Variants in ASB15 observed in about 807,000 individuals in gnomAD.
The protein encoded by ASB15 is ankyrin repeat and SOCS box containing 15.
ASB15 carries 54 observed loss-of-function variants against 58.0 expected under a neutral mutation model. The ratio of observed to expected loss-of-function variants is 0.93; its 90% CI spans 0.75 to 1.17. The LOEUF is 1.17. ASB15 is among the 50% of genes most tolerant of loss of function. The pLI, the probability that ASB15 is intolerant of heterozygous loss-of-function variation, is 0.00. For synonymous variants in ASB15, 249 were observed against 262.4 expected (o/e 0.95, Z 0.50); for missense variants, 680 against 707.4 (o/e 0.96, Z 0.44).
At chr7:123,617,457 CTTTCAT>C in intron 6 of ASB15, 116 bp from the exon 7 acceptor site, 1 of 902,266 alleles carries the variant, frequency 1.1e-6, no homozygotes, top group Non-Finnish European at 1.6e-6. Context: ...TGTCAAAGTC[CTTTCAT>C]TTTCATCAAT....
chr7:123,578,138 AC>A (rs1017564879), intron 1 of ASB15, among the ~76,000 whole-genome samples: 1 of 150,608 alleles, frequency 6.6e-6, no homozygotes, highest in African/African-American at 2.4e-5. Flanking sequence ...GAATAAAAGG[AC>A]AAATGAATAG....
At chr7:123,635,348 T>G (rs1802363291) in intron 11 of ASB15, among the ~76,000 whole-genome samples, 1 of 152,168 alleles carries the variant, frequency 6.6e-6, no homozygotes, top group Non-Finnish European at 1.5e-5. Flanking sequence ...TGTACTTTCT[T>G]TATTTTATTT....
chr7:123,568,464 T>C (rs1258729934), intron 1 of ASB15, among the ~76,000 whole-genome samples: 1 of 148,906 alleles, frequency 6.7e-6, no homozygotes, highest in African/African-American at 2.5e-5. Context: ...GAGGTTGCAG[T>C]GAGCAGAGAT....
rs534355138 is a variant in ASB15, at chr7:123,582,207, A to G, written c.-443+15119A>G. Among the ~76,000 whole-genome samples, 3 of 152,100 alleles carry G rather than the reference A, an allele frequency of 2.0e-5. No homozygotes were observed. In the East Asian group the frequency reaches 5.8e-4, roughly 30 times the overall value. On this transcript the variant is annotated intron_variant, in intron 1 of 13. Transcript: ENST00000451558. The stretch of plus-strand genomic sequence containing the variant: ...TCAGGCCCAGACCACTTTGAGGGAC[A>G]GGTTCAACCCACAGTATGTGAAGGT...
chr7:123,596,771 G>T (rs1056886594), intron 1 of ASB15, among the ~76,000 whole-genome samples: 2 of 152,002 alleles, frequency 1.3e-5, no homozygotes, highest in Admixed American at 6.6e-5. Context: ...ATGTCATTAC[G>T]CATTAGCAAC....
chr7:123,597,917 C>CGTGTGTGTGTGTGTGTGT (rs61508655), upstream of ASB15, among the ~76,000 whole-genome samples: 2 of 132,974 alleles, frequency 1.5e-5, no homozygotes, highest in African/African-American at 5.8e-5. Context: ...TTTCAAACTT[C>CGTGTGTGTGTGTGTGTGT]GTGTGTGTGT....
intron 1 of ASB15, among the ~76,000 whole-genome samples, chr7:123,603,476 C>T (rs907612547): frequency 2.0e-5 from 3 of 152,130 alleles, no homozygotes; most frequent in African/African-American, 4.8e-5. Flanking sequence ...AAAAAGGAGA[C>T]ATTAATACTA....
intron 7 of ASB15, among the ~76,000 whole-genome samples, chr7:123,618,428 G>A (rs1800970718): frequency 6.6e-6 from 1 of 152,184 alleles, no homozygotes; most frequent in Admixed American, 6.5e-5. Context: ...AGATCACTGG[G>A]TTTAAATCTT....
Position 123,624,552 on chromosome 7 carries a change from T to C in ASB15, c.452-17T>C, listed in dbSNP as rs755470063. On this transcript the variant is annotated splice_polypyrimidine_tract_variant and intron_variant, in intron 7 of 11. Transcript: ENST00000451215. ...GTGTTAATATACTTACTGTTGTTTT[T>C]AACAATCATTTTCAAGCTGTGAAAA... is the stretch of plus-strand genomic sequence containing the variant. 3.4e-5 allele frequency: 55 copies of C among 1,605,246 alleles called. No individual in the cohort carries two copies. Among genetic ancestry groups the C allele is most frequent in the Non-Finnish European group, 4.6e-5 (54 of 1,172,366 alleles).
chr7:123,625,994 A>G (rs924152047), intron 8 of ASB15, among the ~76,000 whole-genome samples: 1 of 152,114 alleles, frequency 6.6e-6, no homozygotes, highest in African/African-American at 2.4e-5. Flanking sequence ...CACCATAAGC[A>G]GCAGAGCCAC....
rs1001875748 is a variant in ASB15 at position 123,627,151 on chromosome 7, C to G, written c.739C>G (p.Leu247Val). Residue 247 changes from leucine (L) to valine (V), a missense_variant, in exon 9 of 12, where the codon CTG (leucine) becomes GTG (valine). Physicochemically the swap from Leu to Val is conservative, Grantham distance 32. Transcript: ENST00000451215. ...TTTGGCGGATGATGGGGCGTCGGTG[C>G]TGTTTGAGGCAGCAGGAGGTGGCAA... ...LALADDGASV[L>V]FEAAGGGNPD... 5 of 1,613,882 alleles carry G rather than the reference C, an allele frequency of 3.1e-6. No individual in the cohort carries two copies. Among genetic ancestry groups the G allele is most frequent in the Non-Finnish European group, 4.2e-6 (5 of 1,179,928 alleles).
intron 2 of ASB15, among the ~76,000 whole-genome samples, chr7:123,605,369 A>C (rs796300561): frequency 6.6e-6 from 1 of 152,202 alleles, no homozygotes; most frequent in South Asian, 2.1e-4. Flanking sequence ...TTATGGAGAA[A>C]AGGGAATGCT....
chr7:123,624,465 A>C, intron 7 of ASB15, 104 bp from the exon 8 acceptor site: 3 of 1,080,462 alleles, frequency 2.8e-6, no homozygotes, highest in African/African-American at 1.6e-5. Flanking sequence ...AAAAAAAGTT[A>C]CTAGCTAGTA....
At chr7:123,636,695 T>G (rs1269724045) in intron 11 of ASB15, 114 bp from the exon 12 acceptor site, 1 of 824,238 alleles carries the variant, frequency 1.2e-6, no homozygotes, top group African/African-American at 1.7e-5. Context: ...GTTGCTAAAG[T>G]GTGCATACAT....
At chr7:123,569,134 G>C (rs1037525155) in intron 1 of ASB15, among the ~76,000 whole-genome samples, 1 of 151,976 alleles carries the variant, frequency 6.6e-6, no homozygotes, top group African/African-American at 2.4e-5. Context: ...AGGATTCTGG[G>C]GACCTGTCAG....
chr7:123,618,511 T>G (rs949471105), intron 7 of ASB15, among the ~76,000 whole-genome samples: 1 of 152,116 alleles, frequency 6.6e-6, no homozygotes, highest in African/African-American at 2.4e-5. Flanking sequence ...CCATGCAGAA[T>G]TGTGAGGAAA....
At chr7:123,633,612 T>C (rs552779732) in intron 11 of ASB15, among the ~76,000 whole-genome samples, 71 of 134,476 alleles carry the variant, frequency 5.3e-4, no homozygotes, top group Non-Finnish European at 8.6e-4. Flanking sequence ...TGGATTATGC[T>C]GAGTGTGTGT....
At chr7:123,584,597 C>T (rs1799327523) in intron 1 of ASB15, among the ~76,000 whole-genome samples, 1 of 151,932 alleles carries the variant, frequency 6.6e-6, no homozygotes, top group Non-Finnish European at 1.5e-5. Context: ...AACATGACAG[C>T]ATTTTGTACA....
chr7:123,623,918 G>GAAA (rs1562935614), intron 7 of ASB15, among the ~76,000 whole-genome samples: 22 of 73,292 alleles, frequency 3.0e-4, no homozygotes, highest in Admixed American at 1.9e-3. Flanking sequence ...AAGGAAGGAA[G>GAAA]GAAGAAAGAA....
Sources: gnomAD v4.1 joint callset for allele counts (sites outside exome capture counted in the v4.1 genomes callset) on GRCh38, gnomAD v4.1.1 for gene constraint, MANE v1.5 for transcripts, NCBI Gene and HGNC (gene_info 2026-07-23, HGNC 2026-07-21) for gene names.